The following SLC26A5 variants were observed in gnomAD, a reference collection of about 807,000 sequenced individuals.
SLC26A5 encodes solute carrier family 26 member 5.
SLC26A5 carries 51 observed loss-of-function variants against 81.0 expected under a neutral mutation model. That is an observed-to-expected ratio of 0.63 (90% confidence interval 0.50 to 0.80). The LOEUF is 0.80. Among genes scored for constraint, SLC26A5 ranks in the 30% least tolerant of loss-of-function variants. The pLI is 0.00. For synonymous variants in SLC26A5, 325 were observed against 332.8 expected (o/e 0.98, Z 0.25); for missense variants, 771 against 905.8 (o/e 0.85, Z 1.91).
Position 103,411,350 on chromosome 7 carries a change from C to T in SLC26A5, c.570+70G>A, listed in dbSNP as rs1228687009. The T allele has an allele frequency of 1.9e-6, 3 of 1,585,806 alleles. No homozygotes were observed. The African/African-American group carries it at 4.0e-5, about 21-fold the overall frequency. On this transcript the variant is annotated intron_variant, in intron 6 of 19. Coordinates refer to ENST00000306312, the MANE Select transcript of SLC26A5 (RefSeq NM_198999.3). ...CCATCCACCGTGTAGTAAGACCAGC[C>T]AAGAGCACTCAGTAGATACTTGTTA... is the stretch of plus-strand genomic sequence containing the variant.
downstream of SLC26A5, among the ~76,000 whole-genome samples, chr7:103,371,962 TG>T (rs1318337474): frequency 6.6e-6 from 1 of 151,582 alleles, no homozygotes. Flanking sequence ...CCCAAAGTAC[TG>T]GGATTACAGG....
chr7:103,406,030 C>G (rs1324525684), intron 8 of SLC26A5, among the ~76,000 whole-genome samples: 1 of 152,176 alleles, frequency 6.6e-6, no homozygotes, highest in African/African-American at 2.4e-5. Context: ...CCCCTCCCCC[C>G]ACCAAGCTCA....
At chr7:103,368,643 C>T (rs1820850462) in intron 19 of SLC26A5, 2 of 151,976 alleles carry the variant, frequency 1.3e-5, no homozygotes, top group South Asian at 4.1e-4. Context: ...TTTTGCATTG[C>T]CATTTGATTT....
chr7:103,400,534 G>A (rs188732485), intron 8 of SLC26A5, among the ~76,000 whole-genome samples: 20 of 152,192 alleles, frequency 1.3e-4, no homozygotes, highest in African/African-American at 3.9e-4. Flanking sequence ...TCACTCTGAC[G>A]GTAGTTTCTT....
chr7:103,407,304 T>A (rs1824133683), intron 8 of SLC26A5, among the ~76,000 whole-genome samples: 1 of 152,210 alleles, frequency 6.6e-6, no homozygotes, highest in African/African-American at 2.4e-5. Flanking sequence ...CATGATTACA[T>A]AATTGTGGTT....
chr7:103,379,445 C>T lies in SLC26A5; in HGVS notation c.1585-110G>A, dbSNP rs539048111. The T allele has an allele frequency of 2.7e-5, 18 of 662,984 alleles. No individual in the cohort carries two copies. The East Asian group carries it at 5.0e-4, about 18-fold the overall frequency. The allele number at this position is 662,984 out of a possible 1,614,324, so 41.1% of individuals were successfully genotyped here. ...TGAATGCAGAAGTTGCTAAGGTCCC[C>T]TTTTCAGGGCTTAGCTAAAATGATG... On this transcript the variant is annotated intron_variant, in intron 15 of 19. Coordinates refer to ENST00000306312, the MANE Select transcript of SLC26A5 (RefSeq NM_198999.3).
chr7:103,425,933 C>T (rs1362267101), intron 2 of SLC26A5, among the ~76,000 whole-genome samples: 1 of 152,094 alleles, frequency 6.6e-6, no homozygotes, highest in Non-Finnish European at 1.5e-5. Context: ...TATTGTATAG[C>T]AAAGGCTCAA....
At chr7:103,412,858 G>C (rs1824615209) in intron 5 of SLC26A5, 144 bp downstream of exon 5, 1 of 677,790 alleles carries the variant, frequency 1.5e-6, no homozygotes, top group Non-Finnish European at 2.6e-6. Context: ...GCCGAGTGTA[G>C]GTTTTTAAAG....
At chr7:103,406,872 C>T (rs1268009457) in intron 8 of SLC26A5, among the ~76,000 whole-genome samples, 3 of 152,116 alleles carry the variant, frequency 2.0e-5, no homozygotes, top group Non-Finnish European at 4.4e-5. Flanking sequence ...AGGCTGGCCT[C>T]GAACTCCTGG....
chr7:103,413,984 C>T (rs954646859), intron 4 of SLC26A5, among the ~76,000 whole-genome samples: 19 of 151,918 alleles, frequency 1.3e-4, no homozygotes, highest in African/African-American at 4.1e-4. Context: ...TGACCTATCA[C>T]TATCACCCAA....
intron 19 of SLC26A5, among the ~76,000 whole-genome samples, chr7:103,360,703 G>A (rs1820333627): frequency 6.6e-6 from 1 of 152,100 alleles, no homozygotes; most frequent in South Asian, 2.1e-4. Context: ...TTTTTCTTTA[G>A]TAGATAGATA....
Position 103,377,670 on chromosome 7 carries a change from C to T in SLC26A5, c.1915G>A (p.Val639Ile), listed in dbSNP as rs142778863. Residue 639 changes from valine to isoleucine, a missense_variant, in exon 18 of 20, where the codon GTC becomes ATC. Physicochemically the swap from Val to Ile is conservative, Grantham distance 29. Coordinates refer to ENST00000306312, the MANE Select transcript of SLC26A5 (RefSeq NM_198999.3). Reference sequence around the variant, plus strand: ...GTGAAATCCAAAATGACAGTGTGGACGTTATCCCCTGGGGGCATAAATCTT... The same window carrying T: ...GTGAAATCCAAAATGACAGTGTGGATGTTATCCCCTGGGGGCATAAATCTT... Reference protein sequence around the residue: ...MQRFMPPGDNVHTVILDFTQV... With the variant: ...MQRFMPPGDNIHTVILDFTQV... 37 of 1,613,944 alleles carry T rather than the reference C, an allele frequency of 2.3e-5. No individual in the cohort carries two copies. The highest frequency in any genetic ancestry group is 1.3e-5 in the African/African-American group (1 of 74,918).
chr7:103,362,292 GTTGT>G (rs1820457340), intron 19 of SLC26A5: 2 of 1,396,034 alleles, frequency 1.4e-6, no homozygotes, highest in South Asian at 1.6e-5. Context: ...TACTCCCACT[GTTGT>G]TTATTATGAA....
intron 2 of SLC26A5, among the ~76,000 whole-genome samples, chr7:103,428,259 A>G (rs1825835770): frequency 6.6e-6 from 1 of 152,210 alleles, no homozygotes; most frequent in African/African-American, 2.4e-5. Context: ...GAGCCTCATG[A>G]AAGGAGAAAC....
chr7:103,429,548 T>G (rs114188402), intron 2 of SLC26A5, among the ~76,000 whole-genome samples: 3,047 of 152,366 alleles, frequency 0.02, 108 homozygotes, highest in African/African-American at 0.068. Context: ...TATCAGCCTT[T>G]CCTAAAAGGA....
chr7:103,404,754 T>C (rs538893745), intron 8 of SLC26A5, among the ~76,000 whole-genome samples: 1 of 152,320 alleles, frequency 6.6e-6, no homozygotes, highest in East Asian at 1.9e-4. Flanking sequence ...GAAGTTCTCC[T>C]GGATAATGTC....
chr7:103,383,561 T>C (rs558650119), intron 14 of SLC26A5, among the ~76,000 whole-genome samples: 8 of 152,338 alleles, frequency 5.3e-5, no homozygotes, highest in African/African-American at 1.4e-4. Flanking sequence ...TGAAATCCCA[T>C]GCAGTTTTAT....
Position 103,421,403 on chromosome 7 carries a change from C to A in SLC26A5, c.112G>T (p.Val38Phe), listed in dbSNP as rs753914951. The change falls in exon 3 of 20, where the codon GTT becomes TTT. Residue 38 changes from valine (V) to phenylalanine (F), a missense_variant. Coordinates refer to ENST00000306312, the MANE Select transcript of SLC26A5 (RefSeq NM_198999.3). ...AGCTTATCCGCAATGGAATCAGGAA[C>A]CTTGTCCTTTGTGTGTAGTCTTTCC... is the stretch of plus-strand genomic sequence containing the variant. The part of the protein sequence containing the change: ...LQERLHTKDK[V>F]PDSIADKLKQ... 3 of 1,613,964 alleles carry A rather than the reference C, an allele frequency of 1.9e-6. No individual in the cohort carries two copies. Among genetic ancestry groups the A allele is most frequent in the African/African-American group, 1.3e-5 (1 of 74,902 alleles).
Position 103,389,120 on chromosome 7 carries a change from CAA to C in SLC26A5, c.1408-8_1408-7del. 3.1e-6 allele frequency: 5 copies of C among 1,599,636 alleles called. No homozygotes were observed. The highest frequency in any genetic ancestry group is 2.7e-5 in the African/African-American group (2 of 74,720). On this transcript the variant is annotated splice_polypyrimidine_tract_variant and splice_region_variant and intron_variant, in intron 13 of 19. Transcript: ENST00000306312. Reference sequence around the variant, plus strand: ...AAAGTGGTAAGCCAGATGGTCTAAGCAAAAGACAGAAAACTTGATGGAGAACC... The same window carrying C: ...AAAGTGGTAAGCCAGATGGTCTAAGCAAGACAGAAAACTTGATGGAGAACC...
Sources: allele counts gnomAD v4.1 joint callset (sites outside exome capture counted in the v4.1 genomes callset), GRCh38; gene constraint gnomAD v4.1.1; transcripts MANE v1.5; gene names NCBI Gene and HGNC (gene_info 2026-07-23, HGNC 2026-07-21).